UCHL3: variants seen among roughly 807,000 people sequenced by gnomAD.
UCHL3 encodes ubiquitin carboxyl-terminal hydrolase isozyme L3.
In UCHL3, 22 loss-of-function variants were observed where a neutral mutation model predicts 35.8. The ratio of observed to expected loss-of-function variants is 0.61; its 90% CI spans 0.44 to 0.88. The LOEUF is 0.88. Ranked by LOEUF, UCHL3 falls within the 40% of genes least tolerant of loss-of-function variation. UCHL3 has a pLI of 0.00. For missense variants in UCHL3, 229 were observed against 276.9 expected, an observed-to-expected ratio of 0.83 and a Z score of 1.23; for synonymous variants, 90 against 92.8, an observed-to-expected ratio of 0.97 and a Z score of 0.17.
intron 7 of UCHL3, among the ~76,000 whole-genome samples, chr13:75,599,820 C>T (rs182527343): frequency 2.0e-5 from 3 of 152,308 alleles, no homozygotes; most frequent in Admixed American, 2.0e-4. Context: ...TCACACGTCT[C>T]TCACTTTAAG....
At chr13:75,576,612 C>T (rs2032033151) in intron 6 of UCHL3, among the ~76,000 whole-genome samples, 2 of 152,170 alleles carry the variant, frequency 1.3e-5, no homozygotes, top group Non-Finnish European at 2.9e-5. Context: ...CCTCAGCCTC[C>T]CAAAGTGTTG....
At chr13:75,589,724 A>T (rs1045067041) in intron 6 of UCHL3, among the ~76,000 whole-genome samples, 8 of 152,198 alleles carry the variant, frequency 5.3e-5, no homozygotes, top group African/African-American at 1.9e-4. Flanking sequence ...ATGTACACAT[A>T]TAGAACTATG....
At position 75,604,059 on chromosome 13, in the gene UCHL3, T is replaced by C. The variant is rs545014267; in HGVS notation, c.551-710T>C. 8.5e-5 allele frequency among the ~76,000 whole-genome samples: 13 copies of C among 152,260 alleles called. No homozygotes were observed. The East Asian group carries it at 2.3e-3, about 27-fold the overall frequency. On this transcript the variant is annotated intron_variant, in intron 7 of 8. Transcript: ENST00000377595. ...CATATTCAGAAATTTTTATTATGGT[T>C]AGAAACCATGGAATCGTAGAAGGGG...
At chr13:75,549,706 C>T (rs1566204710), upstream of UCHL3, 13 of 1,250,834 alleles carry the variant, frequency 1.0e-5, no homozygotes, top group African/African-American at 1.5e-5. Flanking sequence ...GGTGTTTAGG[C>T]GCTCCTCCTC....
chr13:75,554,291 C>T (rs952423358), intron 2 of UCHL3, among the ~76,000 whole-genome samples: 32 of 152,166 alleles, frequency 2.1e-4, no homozygotes, highest in African/African-American at 7.7e-4. Context: ...TCTCAAATGC[C>T]TGGCCTCAAA....
chr13:75,602,617 T>C (rs1437436147), intron 7 of UCHL3, among the ~76,000 whole-genome samples: 1 of 152,204 alleles, frequency 6.6e-6, no homozygotes, highest in Non-Finnish European at 1.5e-5. Context: ...TAGTAGTGTT[T>C]GGAACAACAG....
At chr13:75,587,144 G>A (rs1380865228) in intron 6 of UCHL3, among the ~76,000 whole-genome samples, 1 of 151,842 alleles carries the variant, frequency 6.6e-6, no homozygotes, top group Non-Finnish European at 1.5e-5. Context: ...AGTAGGGCAA[G>A]TAAGGGAAAT....
chr13:75,584,485 TA>T (rs1190734637), intron 6 of UCHL3, among the ~76,000 whole-genome samples: 1 of 152,186 alleles, frequency 6.6e-6, no homozygotes, highest in Admixed American at 6.5e-5. Flanking sequence ...ACCCAAACAG[TA>T]AACTCTTGAC....
At chr13:75,603,152 G>A (rs912695806) in intron 7 of UCHL3, among the ~76,000 whole-genome samples, 4 of 152,022 alleles carry the variant, frequency 2.6e-5, no homozygotes, top group African/African-American at 9.7e-5. Context: ...ACTATACCTG[G>A]CTAATTTATT....
Position 75,566,678 on chromosome 13 carries a change from C to T in UCHL3, c.184-17C>T, listed in dbSNP as rs2031692230. ...TTATTTTCCACAAATACACTGTTGA[C>T]TTTTTTTTTTTAATAGTATGAAGTA... is the stretch of plus-strand genomic sequence containing the variant. On this transcript the variant is annotated splice_polypyrimidine_tract_variant and intron_variant, in intron 3 of 8. Transcript: ENST00000377595. 1 of 1,105,138 alleles carries T rather than the reference C, an allele frequency of 9.0e-7. No individual in the cohort carries two copies. The allele number at this position is 1,105,138 out of a possible 1,614,324, so 68.5% of individuals were successfully genotyped here.
intron 2 of UCHL3, among the ~76,000 whole-genome samples, chr13:75,554,945 G>A (rs1222625833): frequency 1.3e-5 from 2 of 152,128 alleles, no homozygotes; most frequent in Non-Finnish European, 2.9e-5. Flanking sequence ...TCCTGTCTTT[G>A]TATCCATGTG....
At chr13:75,581,866 G>A (rs1279389853) in intron 6 of UCHL3, among the ~76,000 whole-genome samples, 1 of 152,158 alleles carries the variant, frequency 6.6e-6, no homozygotes, top group East Asian at 1.9e-4. Flanking sequence ...TGAGGACGTA[G>A]GTGGTGATTG....
chr13:75,595,348 T>C (rs1382168959), intron 7 of UCHL3, among the ~76,000 whole-genome samples: 2 of 151,834 alleles, frequency 1.3e-5, no homozygotes, highest in South Asian at 2.1e-4. Context: ...AAAGATAGTG[T>C]AATATTTGGG....
At chr13:75,551,555 C>T (rs1276223617) in intron 2 of UCHL3, among the ~76,000 whole-genome samples, 1 of 151,914 alleles carries the variant, frequency 6.6e-6, no homozygotes, top group African/African-American at 2.4e-5. Context: ...TGTAAGAAAT[C>T]CTCTACAAAA....
At chr13:75,597,410 A>G (rs1021169054) in intron 7 of UCHL3, among the ~76,000 whole-genome samples, 1 of 152,204 alleles carries the variant, frequency 6.6e-6, no homozygotes, top group Non-Finnish European at 1.5e-5. Flanking sequence ...AACTTTTAAG[A>G]AAGAAGTCAT....
At chr13:75,549,613 G>A, upstream of UCHL3, 1 of 477,740 alleles carries the variant, frequency 2.1e-6, no homozygotes, top group Non-Finnish European at 3.6e-6. Context: ...CTCCTCGGCA[G>A]CATCTTAATT....
chr13:75,604,947 T>G, intron 8 of UCHL3, 120 bp downstream of exon 8: 5 of 812,052 alleles, frequency 6.2e-6, no homozygotes, highest in Non-Finnish European at 8.7e-6. Context: ...TTGTTCTCTC[T>G]AGAAAATCCA....
chr13:75,593,405 T>G (rs1054797662), intron 6 of UCHL3, among the ~76,000 whole-genome samples: 5 of 152,188 alleles, frequency 3.3e-5, no homozygotes, highest in Non-Finnish European at 4.4e-5. Flanking sequence ...TCTTCACATA[T>G]TTAAAGAAAT....
intron 2 of UCHL3, among the ~76,000 whole-genome samples, chr13:75,552,639 A>G (rs2031151886): frequency 6.6e-6 from 1 of 152,204 alleles, no homozygotes; most frequent in Non-Finnish European, 1.5e-5. Flanking sequence ...TACAGGTAGG[A>G]CTTAATCAGA....
Sources: allele counts gnomAD v4.1 joint callset (sites outside exome capture counted in the v4.1 genomes callset), GRCh38; gene constraint gnomAD v4.1.1; transcripts MANE v1.5; gene names NCBI Gene and HGNC (gene_info 2026-07-23, HGNC 2026-07-21).